RNF220: variants seen among roughly 807,000 people sequenced by gnomAD.
The protein encoded by RNF220 is ring finger protein 220, also known as E3 ubiquitin-protein ligase RNF220.
A neutral mutation model predicts 67.1 loss-of-function variants in RNF220; 7 were observed. The ratio of observed to expected loss-of-function variants is 0.10; its 90% CI spans 0.06 to 0.20. The LOEUF (loss-of-function observed/expected upper bound fraction) is 0.20. Among genes scored for constraint, RNF220 ranks in the 10% least tolerant of loss-of-function variants. The pLI is 1.00. For synonymous variants in RNF220, 270 were observed against 283.2 expected (o/e 0.95, Z 0.47); for missense variants, 565 against 740.3 (o/e 0.76, Z 2.75).
chr1:44,405,355 A>G lies in RNF220; in HGVS notation c.-293A>G, dbSNP rs1647234872. The G allele has an allele frequency of 3.4e-6, 2 of 591,654 alleles. No homozygotes were observed. The highest frequency in any genetic ancestry group is 3.8e-5 in the South Asian group (2 of 52,990). The allele number at this position is 591,654 out of a possible 1,614,324, so 36.7% of individuals were successfully genotyped here. On this transcript the variant is annotated 5_prime_UTR_variant, in exon 1 of 15. Coordinates refer to ENST00000361799, the MANE Select transcript of RNF220 (RefSeq NM_018150.4). ...ATGCAATCCCAGGCAGCTCGCGAACACAAACCCGGGGCCAGCCGCCTACTG... is the reference window on the plus strand; with the variant it reads ...ATGCAATCCCAGGCAGCTCGCGAACGCAAACCCGGGGCCAGCCGCCTACTG...
chr1:44,443,755 A>G (rs1435237557), intron 2 of RNF220, among the ~76,000 whole-genome samples: 2 of 152,200 alleles, frequency 1.3e-5, no homozygotes, highest in Non-Finnish European at 2.9e-5. Context: ...TACAGTTAAA[A>G]AATTATATGA....
intron 2 of RNF220, among the ~76,000 whole-genome samples, chr1:44,589,094 G>C (rs1013734083): frequency 6.6e-6 from 1 of 152,218 alleles, no homozygotes; most frequent in Non-Finnish European, 1.5e-5. Context: ...GTGTGCTGCA[G>C]GTTGAACTTT....
chr1:44,484,696 G>T (rs757751773), intron 2 of RNF220, among the ~76,000 whole-genome samples: 5 of 152,116 alleles, frequency 3.3e-5, no homozygotes, highest in African/African-American at 4.8e-5. Flanking sequence ...GCTGTAACTG[G>T]GTCAATCTGA....
chr1:44,474,347 C>T (rs1655091409), intron 2 of RNF220, among the ~76,000 whole-genome samples: 1 of 150,744 alleles, frequency 6.6e-6, no homozygotes, highest in South Asian at 2.1e-4. Flanking sequence ...TGCATTCCAG[C>T]CTGGGTGACA....
chr1:44,529,805 T>C (rs980553252), intron 2 of RNF220, among the ~76,000 whole-genome samples: 5 of 152,058 alleles, frequency 3.3e-5, no homozygotes, highest in African/African-American at 1.2e-4. Flanking sequence ...AATCCCAGCA[T>C]TTTGGGAGGC....
rs1644602226 is a variant in RNF220, at chr1:44,645,159, C to G, written c.1311-62C>G. 2.5e-6 allele frequency: 4 copies of G among 1,612,762 alleles called. No individual in the cohort carries two copies. The highest frequency in any genetic ancestry group is 3.4e-6 in the Non-Finnish European group (4 of 1,178,920). ...AGGCAGGGGTTAACGCAGTACTGAC[C>G]CTCAGGGCTGTCCTGCCCGCCTTCA... On this transcript the variant is annotated intron_variant, in intron 10 of 14. Coordinates refer to ENST00000361799, the MANE Select transcript of RNF220 (RefSeq NM_018150.4). This position sits in a 1 kb window ranked among gnomAD's most constrained non-coding sequence, Gnocchi z 5.0.
chr1:44,560,132 AG>A (rs1330591853), intron 2 of RNF220, among the ~76,000 whole-genome samples: 1 of 152,176 alleles, frequency 6.6e-6, no homozygotes, highest in Non-Finnish European at 1.5e-5. Context: ...TGATGTGGGG[AG>A]GACTCCCAGT....
At chr1:44,429,078 T>C (rs1650084136) in intron 2 of RNF220, among the ~76,000 whole-genome samples, 2 of 152,110 alleles carry the variant, frequency 1.3e-5, no homozygotes, top group South Asian at 4.1e-4. Flanking sequence ...CTTCCCTCCC[T>C]GCACTTTCAT....
chr1:44,536,335 T>C (rs1661219596), intron 2 of RNF220, among the ~76,000 whole-genome samples: 1 of 152,226 alleles, frequency 6.6e-6, no homozygotes, highest in African/African-American at 2.4e-5. Flanking sequence ...GTAAGTGCTT[T>C]AGGAATAAGG....
intron 2 of RNF220, among the ~76,000 whole-genome samples, chr1:44,587,513 A>C (rs915480167): frequency 8.5e-5 from 13 of 152,116 alleles, no homozygotes; most frequent in African/African-American, 2.7e-4. Context: ...GAGGGGGTGG[A>C]AAGAGATGGG....
At chr1:44,447,288 A>G (rs572809742) in intron 2 of RNF220, among the ~76,000 whole-genome samples, 1 of 152,330 alleles carries the variant, frequency 6.6e-6, no homozygotes, top group Admixed American at 6.5e-5. Context: ...TAGTTGCTTA[A>G]TATCTCTGAC....
intron 2 of RNF220, among the ~76,000 whole-genome samples, chr1:44,529,186 A>T (rs1041600576): frequency 6.6e-6 from 1 of 152,228 alleles, no homozygotes; most frequent in Admixed American, 6.5e-5. Context: ...AAATCTGAGA[A>T]CAACCTAATG....
rs376298189 is a variant in RNF220, at chr1:44,600,146, A to G, written c.626-14019A>G. On this transcript the variant is annotated intron_variant, in intron 2 of 14. Transcript: ENST00000361799. This position sits in a 1 kb window ranked among gnomAD's most constrained non-coding sequence, Gnocchi z 4.0. ...TTTAGGGAGGTCTCTGGATAGTGGTACCATTCACTGAAACCAAAAGCAGGA... is the reference window on the plus strand; with the variant it reads ...TTTAGGGAGGTCTCTGGATAGTGGTGCCATTCACTGAAACCAAAAGCAGGA... 8.1e-4 allele frequency among the ~76,000 whole-genome samples: 124 copies of G among 152,306 alleles called. 4 individuals carry two copies. In the South Asian group the frequency reaches 0.025, roughly 31 times the overall value.
intron 7 of RNF220, chr1:44,635,827 T>C: frequency 7.9e-7 from 1 of 1,268,418 alleles, no homozygotes; most frequent in Middle Eastern, 2.8e-4. Flanking sequence ...CTCTCACTCA[T>C]TCCCTCCTTG....
chr1:44,615,626 A>C (rs459088), intron 3 of RNF220, among the ~76,000 whole-genome samples: 137,167 of 152,028 alleles, frequency 0.9, 62,386 homozygotes, highest in Non-Finnish European at 0.96. Context: ...GCATGAGGGT[A>C]GGGAGGGTCA....
In RNF220 at chr1:44,645,120, A is replaced by G. The variant is rs1414135367; in HGVS notation, c.1310+39A>G. The G allele has an allele frequency of 6.2e-7, 1 of 1,613,324 alleles. No homozygotes were observed. The highest frequency in any genetic ancestry group is 8.5e-7 in the Non-Finnish European group (1 of 1,179,320). On this transcript the variant is annotated intron_variant, in intron 10 of 14. Coordinates refer to ENST00000361799, the MANE Select transcript of RNF220 (RefSeq NM_018150.4). This position sits in a 1 kb window ranked among gnomAD's most constrained non-coding sequence, Gnocchi z 5.0. ...CAGGCTTGGGCGGGTGGAGCAGAGA[A>G]ACAGGAAGCCCTGAGGCAGGGGTTA...
At chr1:44,481,422 A>G (rs1275246936) in intron 2 of RNF220, among the ~76,000 whole-genome samples, 4 of 152,112 alleles carry the variant, frequency 2.6e-5, no homozygotes, top group African/African-American at 4.8e-5. Context: ...CATCCTCAGC[A>G]AACTAACACA....
At position 44,556,847 on chromosome 1, in the gene RNF220, C is replaced by T. The variant is rs551081845; in HGVS notation, c.626-57318C>T. On this transcript the variant is annotated intron_variant, in intron 2 of 14. Coordinates refer to ENST00000361799, the MANE Select transcript of RNF220 (RefSeq NM_018150.4). ...GTTCTGGGATTACAGGCGTAAGCCA[C>T]CGCGCCCGGCCTCTTCCTGTTCATT... Among the ~76,000 whole-genome samples, 412 of 152,248 alleles carry T rather than the reference C, an allele frequency of 2.7e-3. 1 individual carries two copies. The highest frequency in any genetic ancestry group is 9.4e-3 in the African/African-American group (392 of 41,542).
chr1:44,602,685 C>T (rs1178433983), intron 2 of RNF220, among the ~76,000 whole-genome samples: 2 of 152,094 alleles, frequency 1.3e-5, no homozygotes, highest in African/African-American at 4.8e-5. Flanking sequence ...CTCATCTCAT[C>T]CATCCATCCA....
Sources: gnomAD v4.1 joint callset for allele counts (sites outside exome capture counted in the v4.1 genomes callset) on GRCh38, gnomAD v4.1.1 for gene constraint, Gnocchi (gnomAD v3.1) non-coding constraint, MANE v1.5 for transcripts, NCBI Gene and HGNC (gene_info 2026-07-23, HGNC 2026-07-21) for gene names.